PCDHGB3: variants seen among roughly 807,000 people sequenced by gnomAD.
The protein encoded by PCDHGB3 is protocadherin gamma-B3.
Under a neutral mutation model 59.2 loss-of-function variants are expected in PCDHGB3, and 40 were observed. The observed-to-expected ratio is 0.68, with a 90% CI of 0.52 to 0.88. PCDHGB3 has a LOEUF of 0.88. PCDHGB3 is among the 40% of genes least tolerant of loss of function. PCDHGB3 has a pLI of 0.00. For synonymous variants in PCDHGB3, 581 were observed against 503.6 expected (o/e 1.15, Z -2.06); for missense variants, 1,309 against 1,187.9 (o/e 1.10, Z -1.50).
chr5:141,385,076 A>G, intron 1 of PCDHGB3: 1 of 1,614,206 alleles, frequency 6.2e-7, no homozygotes, highest in Non-Finnish European at 8.5e-7. Context: ...CGCCTGCTGC[A>G]GGCTTCAGAA....
chr5:141,388,109 C>T, intron 1 of PCDHGB3: 2 of 1,404,160 alleles, frequency 1.4e-6, no homozygotes, highest in Non-Finnish European at 2.0e-6. Context: ...AGCCTTACTT[C>T]ACCGTGAGCG....
At chr5:141,407,135 G>T (rs2094890312) in intron 1 of PCDHGB3, among the ~76,000 whole-genome samples, 1 of 151,812 alleles carries the variant, frequency 6.6e-6, no homozygotes, top group African/African-American at 2.4e-5. Context: ...TTATTTTTAA[G>T]AAAAAAAAGC....
chr5:141,393,472 C>T lies in PCDHGB3; in HGVS notation c.2415+20663C>T, dbSNP rs575533120. On this transcript the variant is annotated intron_variant, in intron 1 of 3. Coordinates refer to ENST00000576222, the MANE Select transcript of PCDHGB3 (RefSeq NM_018924.5). ...CTCACGGCCTCGGATGGCGGCAAGC[C>T]GCCTCGCTCTAGCACAGTGCGCATC... 3.5e-5 allele frequency: 57 copies of T among 1,614,022 alleles called. 2 individuals carry two copies. The South Asian group carries it at 4.2e-4, about 12-fold the overall frequency.
chr5:141,374,310 C>T, intron 1 of PCDHGB3: 3 of 1,614,006 alleles, frequency 1.9e-6, no homozygotes, highest in Non-Finnish European at 1.7e-6. Flanking sequence ...CAGCTTTTCT[C>T]TCTGAATCCG....
At chr5:141,389,296 A>C in intron 1 of PCDHGB3, 1 of 1,613,988 alleles carries the variant, frequency 6.2e-7, no homozygotes, top group African/African-American at 1.3e-5. Context: ...TCTATTTCAC[A>C]AGTCAGGGCT....
chr5:141,412,976 A>C (rs2095594590), intron 1 of PCDHGB3: 1 of 535,900 alleles, frequency 1.9e-6, no homozygotes. Context: ...GAGAAAACGC[A>C]GCCAGAGCTC....
chr5:141,415,098 G>A, intron 1 of PCDHGB3: 5 of 1,613,586 alleles, frequency 3.1e-6, no homozygotes, highest in Non-Finnish European at 4.2e-6. Context: ...ACAGAGACGC[G>A]CTCAAGCAAA....
At chr5:141,413,443 A>G (rs2095641277) in intron 1 of PCDHGB3, 1 of 1,613,986 alleles carries the variant, frequency 6.2e-7, no homozygotes, top group Admixed American at 1.7e-5. Context: ...CAGCTTGATC[A>G]CCGCGGGCAG....
intron 1 of PCDHGB3, among the ~76,000 whole-genome samples, chr5:141,462,763 G>A (rs935087747): frequency 2.6e-5 from 4 of 152,036 alleles, no homozygotes; most frequent in Non-Finnish European, 4.4e-5. Context: ...TTTTCTTCCT[G>A]GCTTGGGGTC....
intron 1 of PCDHGB3, chr5:141,423,820 C>T: frequency 7.9e-7 from 1 of 1,272,642 alleles, no homozygotes. Context: ...TTTTACTTTG[C>T]CTTTCATGAG....
At chr5:141,384,891 G>A in intron 1 of PCDHGB3, 1 of 1,613,876 alleles carries the variant, frequency 6.2e-7, no homozygotes, top group Non-Finnish European at 8.5e-7. Flanking sequence ...CCGTGGCTGT[G>A]GCTGACAGCA....
At chr5:141,393,201 A>C in intron 1 of PCDHGB3, 1 of 1,613,534 alleles carries the variant, frequency 6.2e-7, no homozygotes, top group Admixed American at 1.7e-5. Context: ...TAACGATAAT[A>C]ACCCAAAATT....
chr5:141,378,385 G>T, intron 1 of PCDHGB3: 1 of 152,308 alleles, frequency 6.6e-6, no homozygotes, highest in Non-Finnish European at 1.5e-5. Flanking sequence ...TAGCCAGGTG[G>T]GGTGGCATGG....
intron 1 of PCDHGB3, chr5:141,392,932 A>T (rs1334314898): frequency 6.2e-7 from 1 of 1,613,830 alleles, no homozygotes; most frequent in African/African-American, 1.3e-5. Flanking sequence ...GAAGAGACGG[A>T]CAAAGGCTCC....
At chr5:141,449,630 T>A (rs1006977026) in intron 1 of PCDHGB3, among the ~76,000 whole-genome samples, 6 of 150,024 alleles carry the variant, frequency 4.0e-5, no homozygotes, top group Non-Finnish European at 8.9e-5. Flanking sequence ...TTTAAAAAGA[T>A]GTATCTATAT....
rs780491756 is a variant in PCDHGB3 at position 141,375,972 on chromosome 5, G to A, written c.2415+3163G>A. ...CACACGGGCGAGGTGCGCACGGCGC[G>A]CGCCCTGCTGGACAGAGACGCGCTC... is the stretch of plus-strand genomic sequence containing the variant. On this transcript the variant is annotated intron_variant, in intron 1 of 3. Transcript: ENST00000576222. 9.9e-6 allele frequency: 16 copies of A among 1,613,336 alleles called. No homozygotes were observed. In the Admixed American group the frequency reaches 1.0e-4, roughly 10 times the overall value.
At chr5:141,437,104 T>C (rs539232057) in intron 1 of PCDHGB3, among the ~76,000 whole-genome samples, 1 of 152,338 alleles carries the variant, frequency 6.6e-6, no homozygotes, top group African/African-American at 2.4e-5. Flanking sequence ...GGCTTAGCTT[T>C]AGGATTTTTA....
rs762414791 is a variant in PCDHGB3 at position 141,418,601 on chromosome 5, A to G, written c.2415+45792A>G. The G allele has an allele frequency of 3.5e-5, 57 of 1,613,930 alleles. No individual in the cohort carries two copies. The highest frequency in any genetic ancestry group is 1.7e-6 in the Non-Finnish European group (2 of 1,179,902). On this transcript the variant is annotated intron_variant, in intron 1 of 3. Coordinates refer to ENST00000576222, the MANE Select transcript of PCDHGB3 (RefSeq NM_018924.5). ...CCCAGTGTTCAGCCAGGACGTGTAC[A>G]GGGTTAGCCTTCGGGAAGACGTGCC...
chr5:141,415,423 G>T (rs2154545734), intron 1 of PCDHGB3: 1 of 1,614,204 alleles, frequency 6.2e-7, no homozygotes, highest in Non-Finnish European at 8.5e-7. Context: ...CGTGGACGGG[G>T]TTCGGGCTTT....
Sources: allele counts gnomAD v4.1 joint callset (sites outside exome capture counted in the v4.1 genomes callset), GRCh38; gene constraint gnomAD v4.1.1; transcripts MANE v1.5; gene names NCBI Gene and HGNC (gene_info 2026-07-23, HGNC 2026-07-21).